The following CNTNAP4 variants were observed in gnomAD, a reference collection of about 807,000 sequenced individuals.
The protein encoded by CNTNAP4 is contactin associated protein family member 4.
CNTNAP4 carries 98 observed loss-of-function variants against 148.4 expected under a neutral mutation model. The observed-to-expected ratio is 0.66, with a 90% CI of 0.56 to 0.78. The LOEUF is 0.78. CNTNAP4 is among the 30% of genes least tolerant of loss of function. CNTNAP4 has a pLI of 0.00. For synonymous variants in CNTNAP4, 730 were observed against 565.1 expected (o/e 1.29, Z -4.14); for missense variants, 1,935 against 1,565.6 (o/e 1.24, Z -3.98).
chr16:76,420,845 CT>C (rs894979342), intron 3 of CNTNAP4, among the ~76,000 whole-genome samples: 7 of 151,108 alleles, frequency 4.6e-5, no homozygotes, highest in African/African-American at 1.2e-4. Flanking sequence ...ATCTCTTCAA[CT>C]TTTTTTTTAT....
chr16:76,495,135 A>T (rs1404274446), intron 14 of CNTNAP4, 69 bp downstream of exon 14: 1 of 1,519,984 alleles, frequency 6.6e-7, no homozygotes. Flanking sequence ...CAAAGTATGT[A>T]TAGCTAGCCA....
chr16:76,448,818 G>A lies in CNTNAP4; in HGVS notation c.794G>A (p.Ser265Asn), dbSNP rs146906148. 1.6e-4 allele frequency: 258 copies of A among 1,612,006 alleles called. No homozygotes were observed. In the East Asian group the frequency reaches 5.7e-3, roughly 35 times the overall value. Residue 265 changes from serine (S) to asparagine (N), a missense_variant, in exon 6 of 24, where the codon AGC (serine) becomes AAC (asparagine). Transcript: ENST00000611870. ...TSTLVNLTLG[S>N]LLDDQHWHSV... ...ACCCTGGTCAATCTCACCCTGGGCA[G>A]CCTGCTAGATGATCAGCATTGGCAT...
intron 3 of CNTNAP4, among the ~76,000 whole-genome samples, chr16:76,355,896 A>C (rs2012559209): frequency 6.9e-6 from 1 of 144,332 alleles, no homozygotes; most frequent in South Asian, 2.2e-4. Context: ...TTATTTTTGA[A>C]ACAGAGTCTC....
At chr16:76,530,421 A>C (rs142822556) in intron 17 of CNTNAP4, among the ~76,000 whole-genome samples, 1 of 152,140 alleles carries the variant, frequency 6.6e-6, no homozygotes, top group Non-Finnish European at 1.5e-5. Context: ...TATATCCAGT[A>C]GGTAAATCTT....
intron 2 of CNTNAP4, among the ~76,000 whole-genome samples, chr16:76,325,072 AT>A (rs1386841266): frequency 6.6e-6 from 1 of 152,224 alleles, no homozygotes; most frequent in Non-Finnish European, 1.5e-5. Flanking sequence ...AAAAGGAAAT[AT>A]CATGTAGTGA....
rs564916253 is a variant in CNTNAP4, at chr16:76,288,098, A to T, written c.85+10351A>T. Among the ~76,000 whole-genome samples the T allele has an allele frequency of 2.5e-3, 376 of 152,198 alleles. 4 individuals are homozygous for T. Among genetic ancestry groups the T allele is most frequent in the Non-Finnish European group, 4.3e-3 (295 of 68,020 alleles). On this transcript the variant is annotated intron_variant, in intron 1 of 23. Coordinates refer to ENST00000611870, the MANE Select transcript of CNTNAP4 (RefSeq NM_033401.5). ...AGGACCAGGTGGAGATAATTGAACCATGGGGGCGGTTGTCCCCATACTGTT... is the reference window on the plus strand; with the variant it reads ...AGGACCAGGTGGAGATAATTGAACCTTGGGGGCGGTTGTCCCCATACTGTT...
At chr16:76,355,888 ATTTT>A (rs1425353725) in intron 3 of CNTNAP4, among the ~76,000 whole-genome samples, 503 of 132,866 alleles carry the variant, frequency 3.8e-3, no homozygotes, top group African/African-American at 0.013. Context: ...TTATTTATTT[ATTTT>A]TGAAACAGAG....
intron 3 of CNTNAP4, among the ~76,000 whole-genome samples, chr16:76,422,887 A>G (rs2079240545): frequency 6.6e-6 from 1 of 152,200 alleles, no homozygotes; most frequent in Non-Finnish European, 1.5e-5. Context: ...TGGTCCAAAT[A>G]TTTGTGTCTC....
At chr16:76,460,657 G>C (rs8062836) in intron 8 of CNTNAP4, among the ~76,000 whole-genome samples, 54,871 of 140,338 alleles carry the variant, frequency 0.39, 11,322 homozygotes, top group Middle Eastern at 0.49. Context: ...CAGCTACATT[G>C]AAGGAGAGTG....
chr16:76,431,305 G>A (rs1226030321), intron 4 of CNTNAP4, among the ~76,000 whole-genome samples: 1 of 152,134 alleles, frequency 6.6e-6, no homozygotes, highest in Non-Finnish European at 1.5e-5. Flanking sequence ...AAATCTGGAG[G>A]CAGCAACTCA....
chr16:76,395,948 C>T (rs1373451418), intron 3 of CNTNAP4, among the ~76,000 whole-genome samples: 1 of 151,654 alleles, frequency 6.6e-6, no homozygotes, highest in African/African-American at 2.4e-5. Context: ...AGGCTGGTCT[C>T]AAACTCCTGA....
At chr16:76,416,144 C>A (rs1054160881) in intron 3 of CNTNAP4, among the ~76,000 whole-genome samples, 11 of 150,930 alleles carry the variant, frequency 7.3e-5, no homozygotes, top group African/African-American at 2.7e-4. Flanking sequence ...TGGGTCTTTT[C>A]TTTCCCTTTT....
chr16:76,370,389 T>C (rs911769670), intron 3 of CNTNAP4, among the ~76,000 whole-genome samples: 5 of 152,190 alleles, frequency 3.3e-5, no homozygotes, highest in African/African-American at 9.6e-5. Flanking sequence ...CTGCAAGGAC[T>C]GCCCTATAGA....
At chr16:76,496,325 T>C (rs540269349) in intron 14 of CNTNAP4, among the ~76,000 whole-genome samples, 7 of 152,222 alleles carry the variant, frequency 4.6e-5, no homozygotes, top group African/African-American at 1.7e-4. Context: ...CAATAAAAAT[T>C]ACCTAATCAT....
rs555576032 is a variant in CNTNAP4, at chr16:76,414,589, T to C, written c.391-12863T>C. ...TTTTTCTGCTCTTTGAAGGTACTTG[T>C]TTAATACTGGTGTGATTTTGTCCTT... is the stretch of plus-strand genomic sequence containing the variant. On this transcript the variant is annotated intron_variant, in intron 3 of 23. Transcript: ENST00000611870. 2.0e-5 allele frequency among the ~76,000 whole-genome samples: 3 copies of C among 151,328 alleles called. No homozygotes were observed. The South Asian group carries it at 6.2e-4, about 31-fold the overall frequency.
At chr16:76,375,937 C>A (rs1460889886) in intron 3 of CNTNAP4, among the ~76,000 whole-genome samples, 1 of 152,182 alleles carries the variant, frequency 6.6e-6, no homozygotes, top group Non-Finnish European at 1.5e-5. Flanking sequence ...CCATCTCATG[C>A]AAGCTGTGTG....
intron 15 of CNTNAP4, among the ~76,000 whole-genome samples, chr16:76,515,466 A>T (rs1036604343): frequency 1.3e-5 from 2 of 152,206 alleles, no homozygotes; most frequent in East Asian, 3.9e-4. Context: ...AGGAAAGACC[A>T]TGTAAGGTCA....
In CNTNAP4 at chr16:76,365,751, C is replaced by CAAAAAAAA. The variant is rs35586454; in HGVS notation, c.390+10252_390+10259dup. Among the ~76,000 whole-genome samples, 5 of 100,032 alleles carry CAAAAAAAA rather than the reference C, an allele frequency of 5.0e-5. 1 individual carries two copies. The highest frequency in any genetic ancestry group is 8.2e-5 in the Non-Finnish European group (4 of 48,782). 65.6% of individuals were successfully genotyped at this position (100,032 alleles called of 152,430 possible). On this transcript the variant is annotated intron_variant, in intron 3 of 23. Transcript: ENST00000611870. Reference sequence around the variant, plus strand: ...TGGGGGACAGAGTGAGACTCCGTCTCAAAAAAAAAAAAAAAAAAACCTAAG... The same window carrying CAAAAAAAA: ...TGGGGGACAGAGTGAGACTCCGTCTCAAAAAAAAAAAAAAAAAAAAAAAAAAACCTAAG...
At chr16:76,435,062 G>A (rs758272644) in intron 4 of CNTNAP4, among the ~76,000 whole-genome samples, 2 of 152,024 alleles carry the variant, frequency 1.3e-5, no homozygotes, top group Admixed American at 6.6e-5. Context: ...ATGTCTCCTC[G>A]GGGAAGGATA....
Sources: gnomAD v4.1 joint callset for allele counts (sites outside exome capture counted in the v4.1 genomes callset) on GRCh38, gnomAD v4.1.1 for gene constraint, MANE v1.5 for transcripts, NCBI Gene and HGNC (gene_info 2026-07-23, HGNC 2026-07-21) for gene names.